Variants in ZCCHC8 observed in about 807,000 individuals in gnomAD.
ZCCHC8 encodes zinc finger CCHC-type containing 8.
In ZCCHC8, 27 loss-of-function variants were observed where a neutral mutation model predicts 70.6. The observed-to-expected ratio is 0.38, with a 90% CI of 0.28 to 0.53. ZCCHC8 has a LOEUF of 0.53. Among genes scored for constraint, ZCCHC8 ranks in the 20% least tolerant of loss-of-function variants. The pLI is 0.81. For synonymous variants in ZCCHC8, 293 were observed against 317.4 expected (o/e 0.92, Z 0.82); for missense variants, 737 against 876.9 (o/e 0.84, Z 2.01).
Position 122,483,174 on chromosome 12 carries a change from C to A in ZCCHC8, c.671+105G>T. 1 of 1,028,404 alleles carries A rather than the reference C, an allele frequency of 9.7e-7. No individual in the cohort carries two copies. The highest frequency in any genetic ancestry group is 1.4e-6 in the Non-Finnish European group (1 of 696,126). The allele number at this position is 1,028,404 out of a possible 1,614,324, so 63.7% of individuals were successfully genotyped here. A position where few individuals can be genotyped will look rare whatever the true frequency, so the allele number is the denominator to read the frequency against. On this transcript the variant is annotated intron_variant, in intron 7 of 13. Transcript: ENST00000633063. The surrounding 1 kb of genome is among the most constrained non-coding windows in gnomAD (Gnocchi z 4.4). Reference sequence around the variant, plus strand: ...AAATTCTAGCTCAATCTGTAATTAACCTTAGAGTAAACCAGCAGTAAAGAA... The same window carrying A: ...AAATTCTAGCTCAATCTGTAATTAAACTTAGAGTAAACCAGCAGTAAAGAA...
intron 4 of ZCCHC8, among the ~76,000 whole-genome samples, chr12:122,489,706 C>T (rs7955513): frequency 0.61 from 92,827 of 151,904 alleles, 29,215 homozygotes; most frequent in African/African-American, 0.75. Flanking sequence ...CCAGAAAGAT[C>T]AAAAATATAT....
Position 122,500,449 on chromosome 12 carries a change from C to T in ZCCHC8, c.199+193G>A. On this transcript the variant is annotated intron_variant, in intron 1 of 13. Coordinates refer to ENST00000633063, the MANE Select transcript of ZCCHC8 (RefSeq NM_017612.5). This position sits in a 1 kb window ranked among gnomAD's most constrained non-coding sequence, Gnocchi z 4.8. ...GGCCTCCCTGAGGGGAAGAGGTCTG[C>T]GCCGAGGCAGCCTGCGCGCCCCGAA... 1 of 720,800 alleles carries T rather than the reference C, an allele frequency of 1.4e-6. No homozygotes were observed. Among genetic ancestry groups the T allele is most frequent in the Non-Finnish European group, 2.2e-6 (1 of 451,926 alleles). 44.7% of individuals were successfully genotyped at this position (720,800 alleles called of 1,614,324 possible).
chr12:122,472,075 A>AT lies in ZCCHC8; in HGVS notation c.*1421dup, dbSNP rs542839304. ...TACAAAGGCTAGCTGCATGCCATTC[A>AT]TTTTTCAAAATAATTACTTTTCAAA... On this transcript the variant is annotated 3_prime_UTR_variant, in exon 14 of 14. Coordinates refer to ENST00000633063, the MANE Select transcript of ZCCHC8 (RefSeq NM_017612.5). 4.7e-4 allele frequency: 71 copies of AT among 152,188 alleles called. No homozygotes were observed. Among genetic ancestry groups the AT allele is most frequent in the African/African-American group, 1.6e-3 (67 of 41,516 alleles). 9.4% of individuals were successfully genotyped at this position (152,188 alleles called of 1,614,324 possible). A position where few individuals can be genotyped will look rare whatever the true frequency, so the allele number is the denominator to read the frequency against.
chr12:122,480,611 A>ATAGG, intron 10 of ZCCHC8: 1 of 209,806 alleles, frequency 4.8e-6, no homozygotes, highest in Non-Finnish European at 9.5e-6. Flanking sequence ...AGCTGGTACT[A>ATAGG]CATGAACGCA....
intron 8 of ZCCHC8, 29 bp from the exon 9 acceptor site, chr12:122,482,116 G>T: frequency 6.4e-7 from 1 of 1,556,406 alleles, no homozygotes; most frequent in Non-Finnish European, 8.6e-7. Context: ...GAAAAGAATG[G>T]TTTCATGCAA....
chr12:122,482,878 T>G, intron 7 of ZCCHC8, 183 bp from the exon 8 acceptor site: 1 of 571,592 alleles, frequency 1.7e-6, no homozygotes, highest in Non-Finnish European at 3.0e-6. Flanking sequence ...AATAGTACTA[T>G]GCAGAGTCTT....
chr12:122,490,482 A>C lies in ZCCHC8; in HGVS notation c.403T>G (p.Ser135Ala). Residue 135 changes from serine (S) to alanine (A), a missense_variant, in exon 4 of 14, where the codon TCC (serine) becomes GCC (alanine). Physicochemically the swap from Ser to Ala is moderately conservative, Grantham distance 99. Transcript: ENST00000633063. ...EQQKNDVEKT[S>A]FNLLPQPSSI... ...AATACCTGGGGCAAAAGATTAAAGG[A>C]AGTCTTTTCCACATCATTTTTCTGC... The C allele has an allele frequency of 6.2e-7, 1 of 1,612,526 alleles. No individual in the cohort carries two copies. The highest frequency in any genetic ancestry group is 8.5e-7 in the Non-Finnish European group (1 of 1,178,974).
Position 122,477,449 on chromosome 12 carries a change from C to T in ZCCHC8, c.1345+392G>A, listed in dbSNP as rs1288712173. On this transcript the variant is annotated intron_variant, in intron 13 of 13. Transcript: ENST00000633063. ...GATTACAGGCGTGAGCCACCGCGCC[C>T]GGCTTAATTCATGGTCTTTAAATTC... 1.0e-4 allele frequency among the ~76,000 whole-genome samples: 15 copies of T among 148,556 alleles called. No individual in the cohort carries two copies. In the South Asian group the frequency reaches 2.4e-3, roughly 24 times the overall value.
chr12:122,499,426 G>A (rs12825762), intron 1 of ZCCHC8: 72,767 of 153,034 alleles, frequency 0.48, 18,724 homozygotes, highest in Non-Finnish European at 0.56. Flanking sequence ...GCGCCACCAC[G>A]CCCGGCTAAT....
At chr12:122,480,336 A>G (rs755782067) in intron 10 of ZCCHC8, 25 bp from the exon 11 acceptor site, 1 of 1,584,254 alleles carries the variant, frequency 6.3e-7, no homozygotes, top group East Asian at 2.3e-5. Context: ...AAAAAGTGTT[A>G]ATATTGCTAA....
intron 5 of ZCCHC8, chr12:122,484,312 G>A (rs1260094689): frequency 6.6e-6 from 1 of 152,150 alleles, no homozygotes; most frequent in African/African-American, 2.4e-5. Flanking sequence ...TGCCCAGGCT[G>A]GTCTCAAACT....
intron 10 of ZCCHC8, chr12:122,481,318 G>A: frequency 1.7e-6 from 1 of 573,838 alleles, no homozygotes. Flanking sequence ...ACCTGAGCAA[G>A]CCCAGAAAAC....
At chr12:122,482,203 T>A in intron 8 of ZCCHC8, 116 bp from the exon 9 acceptor site, 2 of 1,159,702 alleles carry the variant, frequency 1.7e-6, no homozygotes, top group Non-Finnish European at 1.2e-6. Flanking sequence ...TTTTAATGTA[T>A]AACGAACAAG....
Position 122,477,862 on chromosome 12 carries a change from C to T in ZCCHC8, c.1324G>A (p.Ala442Thr), listed in dbSNP as rs773041857. The change falls in exon 13 of 14, where the codon GCC becomes ACC. Residue 442 changes from alanine to threonine, a missense_variant. Transcript: ENST00000633063. ...CTACCTGAATCGAGCTCCATGTCGG[C>T]GGGAGATCCCGCTGAGTTGCTTTCA... ...KNESNSAGSP[A>T]DMELDSDMEV... is the part of the protein sequence containing the mutation. The T allele has an allele frequency of 1.1e-5, 17 of 1,612,744 alleles. No homozygotes were observed. The highest frequency in any genetic ancestry group is 8.9e-5 in the East Asian group (4 of 44,818).
intron 2 of ZCCHC8, among the ~76,000 whole-genome samples, chr12:122,495,264 C>T (rs1470509813): frequency 6.6e-6 from 1 of 151,996 alleles, no homozygotes; most frequent in Non-Finnish European, 1.5e-5. Flanking sequence ...CTGAGGATGG[C>T]AGATCACCTG....
At position 122,477,861 on chromosome 12, in the gene ZCCHC8, G is replaced by A. The variant is rs375394115; in HGVS notation, c.1325C>T (p.Ala442Val). Residue 442 changes from alanine to valine, a missense_variant, in exon 13 of 14, where the codon GCC becomes GTC. By Grantham distance (64) the Ala-to-Val change is moderately conservative. Transcript: ENST00000633063. ...CCTACCTGAATCGAGCTCCATGTCG[G>A]CGGGAGATCCCGCTGAGTTGCTTTC... ...KNESNSAGSPADMELDSDMEV... is the reference protein window; with the variant it reads ...KNESNSAGSPVDMELDSDMEV... 9.9e-6 allele frequency: 16 copies of A among 1,613,236 alleles called. No homozygotes were observed. The highest frequency in any genetic ancestry group is 6.7e-5 in the Admixed American group (4 of 59,974).
At position 122,473,433 on chromosome 12, in the gene ZCCHC8, C is replaced by A. The variant is rs533960657; in HGVS notation, c.*64G>T. ...AAACAGGAAAACCATTCTATCTATC[C>A]ACTTAATTAGTACTAATTAACGGAA... On this transcript the variant is annotated 3_prime_UTR_variant, in exon 14 of 14. Transcript: ENST00000633063. 4.0e-6 allele frequency: 6 copies of A among 1,497,316 alleles called. No individual in the cohort carries two copies. In the South Asian group the frequency reaches 7.8e-5, roughly 19 times the overall value. The allele number at this position is 1,497,316 out of a possible 1,614,324, so 92.8% of individuals were successfully genotyped here.
chr12:122,480,078 T>G, intron 11 of ZCCHC8, 112 bp downstream of exon 11: 1 of 982,958 alleles, frequency 1.0e-6, no homozygotes. Context: ...TCCCAAAGTG[T>G]TGGGATTACA....
rs931573096 is a variant in ZCCHC8 at position 122,500,547 on chromosome 12, C to T, written c.199+95G>A. 3 of 1,376,522 alleles carry T rather than the reference C, an allele frequency of 2.2e-6. No homozygotes were observed. The highest frequency in any genetic ancestry group is 9.6e-7 in the Non-Finnish European group (1 of 1,042,512). The allele number at this position is 1,376,522 out of a possible 1,614,324, so 85.3% of individuals were successfully genotyped here. On this transcript the variant is annotated intron_variant, in intron 1 of 13. Transcript: ENST00000633063. This position sits in a 1 kb window ranked among gnomAD's most constrained non-coding sequence, Gnocchi z 4.8. ...CTGGCCCTCCTGGAACTTCCGCCCG[C>T]GCCCTCGCCCTCGCCCGGCGCTGCC...
Sources: gnomAD v4.1 joint callset for allele counts (sites outside exome capture counted in the v4.1 genomes callset) on GRCh38, gnomAD v4.1.1 for gene constraint, Gnocchi (gnomAD v3.1) non-coding constraint, MANE v1.5 for transcripts, NCBI Gene and HGNC (gene_info 2026-07-23, HGNC 2026-07-21) for gene names.